The following CEP135 variants were observed in gnomAD, a reference collection of about 807,000 sequenced individuals.
CEP135 encodes the protein centrosomal protein of 135 kDa.
Under a neutral mutation model 157.3 loss-of-function variants are expected in CEP135, and 142 were observed. The ratio of observed to expected loss-of-function variants is 0.90; its 90% CI spans 0.79 to 1.04. CEP135 has a LOEUF of 1.04. CEP135 is among the 50% of genes least tolerant of loss of function. The pLI is 0.00. For missense variants in CEP135, 1,317 were observed against 1,309.2 expected (o/e 1.01, Z -0.09); for synonymous variants, 396 against 439.8 (o/e 0.90, Z 1.25).
chr4:55,999,451 T>C, intron 16 of CEP135, 34 bp downstream of exon 16: 3 of 1,613,004 alleles, frequency 1.9e-6, no homozygotes, highest in Non-Finnish European at 2.5e-6. Context: ...CTGCTAATCC[T>C]AATGTACTTT....
intron 1 of CEP135, among the ~76,000 whole-genome samples, chr4:55,949,553 A>G (rs1728290544): frequency 6.6e-6 from 1 of 152,150 alleles, no homozygotes; most frequent in African/African-American, 2.4e-5. Flanking sequence ...CTCTGAGATA[A>G]CCACAGCTAA....
chr4:55,966,808 T>C (rs886254989), intron 8 of CEP135, among the ~76,000 whole-genome samples: 2 of 152,204 alleles, frequency 1.3e-5, no homozygotes, highest in African/African-American at 4.8e-5. Flanking sequence ...AAAAGTGTTT[T>C]TAAAACTGTG....
intron 1 of CEP135, among the ~76,000 whole-genome samples, chr4:55,950,884 C>T (rs1486373962): frequency 6.6e-6 from 1 of 152,120 alleles, no homozygotes; most frequent in African/African-American, 2.4e-5. Context: ...GTAATATTTT[C>T]ATTACCCTAA....
chr4:55,992,753 A>G (rs1729836707), intron 15 of CEP135, among the ~76,000 whole-genome samples: 1 of 152,232 alleles, frequency 6.6e-6, no homozygotes, highest in South Asian at 2.1e-4. Flanking sequence ...TTAGATGACT[A>G]ATATGGGGCT....
intron 15 of CEP135, among the ~76,000 whole-genome samples, chr4:55,993,334 C>T (rs530473296): frequency 6.6e-6 from 1 of 152,280 alleles, no homozygotes; most frequent in East Asian, 1.9e-4. Flanking sequence ...AAGTCTGAGA[C>T]TGTAGTTCAT....
chr4:55,958,260 C>T (rs370929097), intron 5 of CEP135, among the ~76,000 whole-genome samples: 1 of 152,086 alleles, frequency 6.6e-6, no homozygotes, highest in Non-Finnish European at 1.5e-5. Flanking sequence ...TATAGTGAGA[C>T]CTTTTCTCTA....
chr4:56,018,209 A>G (rs1018747277), intron 22 of CEP135, among the ~76,000 whole-genome samples: 2 of 152,008 alleles, frequency 1.3e-5, no homozygotes, highest in East Asian at 1.9e-4. Flanking sequence ...CAAACTCCCA[A>G]CCTCACGTGA....
intron 5 of CEP135, 71 bp from the exon 6 acceptor site, chr4:55,959,611 C>CATCT: frequency 7.9e-7 from 1 of 1,267,984 alleles, no homozygotes; most frequent in Non-Finnish European, 1.1e-6. Context: ...TGAAATAACA[C>CATCT]ATCTAGCTTC....
At chr4:56,012,111 G>A in intron 21 of CEP135, 126 bp downstream of exon 21, 1 of 571,326 alleles carries the variant, frequency 1.8e-6, no homozygotes. Flanking sequence ...AGGCTGGAGT[G>A]CAATGGCACG....
At position 55,952,148 on chromosome 4, in the gene CEP135, G is replaced by A. The variant is rs1395765391; in HGVS notation, c.18G>A (p.Glu6=). The part of the protein sequence containing the change: MTTAV[E]RKYINIRKRL... The stretch of plus-strand genomic sequence containing the variant: ...AAGACGAGATGACTACAGCTGTAGA[G>A]AGAAAGTATATTAATATTAGGAAAA... The change falls in exon 2 of 26, where the codon GAG becomes GAA. Residue 6 remains glutamate (E), a synonymous_variant. Transcript: ENST00000257287. 2 of 1,607,160 alleles carry A rather than the reference G, an allele frequency of 1.2e-6. No homozygotes were observed. The highest frequency in any genetic ancestry group is 4.5e-5 in the East Asian group (2 of 44,842).
At chr4:56,010,971 C>A (rs904193875) in intron 19 of CEP135, among the ~76,000 whole-genome samples, 1 of 152,006 alleles carries the variant, frequency 6.6e-6, no homozygotes, top group Non-Finnish European at 1.5e-5. Flanking sequence ...TGGTAGCTCA[C>A]GCCTATAATC....
At chr4:55,982,840 A>G (rs548819978) in intron 13 of CEP135, among the ~76,000 whole-genome samples, 1 of 152,058 alleles carries the variant, frequency 6.6e-6, no homozygotes, top group Non-Finnish European at 1.5e-5. Context: ...TCAGTACTTT[A>G]TAATTTCTTT....
chr4:55,998,291 C>T (rs927205417), intron 15 of CEP135, among the ~76,000 whole-genome samples: 9 of 152,162 alleles, frequency 5.9e-5, no homozygotes, highest in Admixed American at 3.3e-4. Flanking sequence ...TGTGAAGTCT[C>T]AGGTCAGGGC....
chr4:55,982,974 T>C (rs541493356), intron 13 of CEP135, among the ~76,000 whole-genome samples: 2 of 152,320 alleles, frequency 1.3e-5, no homozygotes, highest in African/African-American at 4.8e-5. Context: ...TATTATTGAA[T>C]TAATGCTTTG....
At chr4:56,012,619 G>A (rs1428652462) in intron 21 of CEP135, among the ~76,000 whole-genome samples, 1 of 151,952 alleles carries the variant, frequency 6.6e-6, no homozygotes, top group East Asian at 1.9e-4. Flanking sequence ...ACCTCATATA[G>A]TGGAATCACA....
intron 21 of CEP135, among the ~76,000 whole-genome samples, chr4:56,016,040 A>G: frequency 6.6e-6 from 1 of 152,212 alleles, no homozygotes; most frequent in Admixed American, 6.5e-5. Context: ...GGCAGGCCCT[A>G]ACCTAGTGAA....
At chr4:55,988,848 C>T (rs1301831733) in intron 14 of CEP135, among the ~76,000 whole-genome samples, 3 of 151,132 alleles carry the variant, frequency 2.0e-5, no homozygotes, top group East Asian at 3.9e-4. Context: ...GTAGTCCCAG[C>T]TACTCGGGAG....
At chr4:56,023,107 C>T (rs1048103311) in intron 24 of CEP135, among the ~76,000 whole-genome samples, 3 of 151,216 alleles carry the variant, frequency 2.0e-5, no homozygotes, top group African/African-American at 4.9e-5. Context: ...AAAGTGTGCA[C>T]CTGTAGTCCC....
At chr4:55,962,962 T>A (rs1439809789) in intron 6 of CEP135, among the ~76,000 whole-genome samples, 1 of 152,142 alleles carries the variant, frequency 6.6e-6, no homozygotes, top group Non-Finnish European at 1.5e-5. Context: ...CATTTCCACT[T>A]GGGTGGAGTC....
Sources: gnomAD v4.1 joint callset for allele counts (sites outside exome capture counted in the v4.1 genomes callset) on GRCh38, gnomAD v4.1.1 for gene constraint, MANE v1.5 for transcripts, NCBI Gene and HGNC (gene_info 2026-07-23, HGNC 2026-07-21) for gene names.